ANGPT4: variants seen among roughly 807,000 people sequenced by gnomAD.
ANGPT4 encodes the protein angiopoietin-4.
ANGPT4 carries 50 observed loss-of-function variants against 53.0 expected under a neutral mutation model. The observed-to-expected ratio is 0.94, with a 90% CI of 0.75 to 1.20. The LOEUF is 1.20. Ranked by LOEUF, ANGPT4 falls within the 50% of genes most tolerant of loss-of-function variation. The pLI, the probability that ANGPT4 is intolerant of heterozygous loss-of-function variation, is 0.00. For missense variants in ANGPT4, 648 were observed against 637.1 expected, an observed-to-expected ratio of 1.02 and a Z score of -0.18; for synonymous variants, 251 against 259.7, an observed-to-expected ratio of 0.97 and a Z score of 0.32.
At chr20:899,640 G>A (rs1982208715) in intron 1 of ANGPT4, among the ~76,000 whole-genome samples, 1 of 152,110 alleles carries the variant, frequency 6.6e-6, no homozygotes, top group Admixed American at 6.5e-5. Context: ...ACCCGGACAA[G>A]TCTTACAGGC....
intron 1 of ANGPT4, among the ~76,000 whole-genome samples, chr20:891,211 C>T (rs1347647795): frequency 6.6e-6 from 1 of 152,216 alleles, no homozygotes; most frequent in Non-Finnish European, 1.5e-5. Context: ...GGTGAGTCAG[C>T]CAGCAGGGAG....
In ANGPT4 at chr20:908,624, C is replaced by T. The variant is rs1332626815; in HGVS notation, c.309+7282G>A. ...CAAGGGGGAAGGATGGTCTTCCTTGCTCACTACTAAATCCTTGTCACTTGC... is the reference window on the plus strand; with the variant it reads ...CAAGGGGGAAGGATGGTCTTCCTTGTTCACTACTAAATCCTTGTCACTTGC... On this transcript the variant is annotated intron_variant, in intron 1 of 8. Coordinates refer to ENST00000381922, the MANE Select transcript of ANGPT4 (RefSeq NM_015985.4). This position sits in a 1 kb window ranked among gnomAD's most constrained non-coding sequence, Gnocchi z 4.9. 6.6e-6 allele frequency among the ~76,000 whole-genome samples: 1 copy of T among 152,246 alleles called. No homozygotes were observed. Among genetic ancestry groups the T allele is most frequent in the Non-Finnish European group, 1.5e-5 (1 of 68,050 alleles).
intron 1 of ANGPT4, among the ~76,000 whole-genome samples, chr20:910,599 G>T (rs966279837): frequency 6.6e-6 from 1 of 152,260 alleles, no homozygotes; most frequent in East Asian, 1.9e-4. Context: ...GCAGGCTTAG[G>T]GGGCAGACCT....
At chr20:912,065 G>T (rs1339978207) in intron 1 of ANGPT4, among the ~76,000 whole-genome samples, 1 of 152,090 alleles carries the variant, frequency 6.6e-6, no homozygotes, top group Non-Finnish European at 1.5e-5. Context: ...CCCTCAGGTG[G>T]TGGGGGTGGG....
intron 1 of ANGPT4, among the ~76,000 whole-genome samples, chr20:915,126 T>C (rs1982872995): frequency 6.6e-6 from 1 of 151,970 alleles, no homozygotes; most frequent in South Asian, 2.1e-4. Context: ...CCTCCTACAG[T>C]CTATGCTGTT....
chr20:915,856 C>A (rs1420403082), intron 1 of ANGPT4, 50 bp downstream of exon 1: 2 of 1,519,816 alleles, frequency 1.3e-6, no homozygotes, highest in South Asian at 2.6e-5. Flanking sequence ...CTGATTGTGA[C>A]AGACCCCAAA....
rs757653891 is a variant in ANGPT4, at chr20:874,433, T to A, written c.1221-19A>T. On this transcript the variant is annotated intron_variant, in intron 7 of 8. Transcript: ENST00000381922. The stretch of plus-strand genomic sequence containing the variant: ...AGAAAGCCTGGAGGCCACCCAGAGG[T>A]GGTGGTGGCAGAAGGGCCCAGAGTC... 5.5e-5 allele frequency: 89 copies of A among 1,611,974 alleles called. No individual in the cohort carries two copies. Among genetic ancestry groups the A allele is most frequent in the Non-Finnish European group, 7.3e-5 (86 of 1,179,722 alleles).
chr20:885,891 TAA>T (rs1981602399), intron 3 of ANGPT4, among the ~76,000 whole-genome samples: 1 of 152,024 alleles, frequency 6.6e-6, no homozygotes, highest in South Asian at 2.1e-4. Context: ...TTAATGTAAA[TAA>T]AGAGAAATGG....
chr20:907,825 A>G (rs1982535246), intron 1 of ANGPT4, among the ~76,000 whole-genome samples: 1 of 152,146 alleles, frequency 6.6e-6, no homozygotes, highest in Admixed American at 6.5e-5. Flanking sequence ...TTCTAGACAC[A>G]GGGAGGCTTT....
At chr20:878,448 G>T in intron 6 of ANGPT4, 121 bp from the exon 7 acceptor site, 1 of 966,912 alleles carries the variant, frequency 1.0e-6, no homozygotes. Context: ...CTTAATGATC[G>T]AGTTCATAAG....
chr20:875,352 T>C (rs997358010), intron 7 of ANGPT4, among the ~76,000 whole-genome samples: 1 of 152,162 alleles, frequency 6.6e-6, no homozygotes. Flanking sequence ...CCAGCCCCCA[T>C]GGATCTGGGC....
At chr20:885,412 C>A (rs138750068) in intron 3 of ANGPT4, 87 bp from the exon 4 acceptor site, 45,015 of 1,431,374 alleles carry the variant, frequency 0.031, 798 homozygotes, top group Middle Eastern at 0.046. Context: ...GGAGTCCCTG[C>A]AGCCCGACGA....
At chr20:901,598 C>T (rs1028851500) in intron 1 of ANGPT4, among the ~76,000 whole-genome samples, 10 of 152,326 alleles carry the variant, frequency 6.6e-5, no homozygotes, top group Admixed American at 2.6e-4. Flanking sequence ...ACGCACGTGA[C>T]ACTATGTAGC....
At chr20:891,867 T>C (rs142395370) in intron 1 of ANGPT4, among the ~76,000 whole-genome samples, 2,022 of 152,294 alleles carry the variant, frequency 0.013, 15 homozygotes, top group Non-Finnish European at 0.019. Context: ...GTGTGGTTCT[T>C]CCGTCAGCAT....
chr20:899,577 C>T (rs550349616), intron 1 of ANGPT4, among the ~76,000 whole-genome samples: 1 of 152,064 alleles, frequency 6.6e-6, no homozygotes, highest in African/African-American at 2.4e-5. Flanking sequence ...TTTATGCACT[C>T]TTTTTTAATT....
chr20:879,041 C>T (rs1307189155), intron 6 of ANGPT4, among the ~76,000 whole-genome samples: 1 of 152,206 alleles, frequency 6.6e-6, no homozygotes, highest in Non-Finnish European at 1.5e-5. Context: ...ATTTCTGCAC[C>T]TGGACACCCT....
At position 890,264 on chromosome 20, in the gene ANGPT4, G is replaced by T; in HGVS notation, c.414C>A (p.Leu138=). ...TAPMLELGTS[L]LNQTTAQIRK... ...GGATCTGGGCAGTGGTCTGGTTCAGGAGGCTGGTGCCCAGCTCTAGCATGG... is the reference window on the plus strand; with the variant it reads ...GGATCTGGGCAGTGGTCTGGTTCAGTAGGCTGGTGCCCAGCTCTAGCATGG... Residue 138 remains leucine (L), a synonymous_variant, in exon 2 of 9, where the codon CTC becomes CTA. Transcript: ENST00000381922. The T allele has an allele frequency of 6.2e-7, 1 of 1,614,026 alleles. No homozygotes were observed. Among genetic ancestry groups the T allele is most frequent in the Non-Finnish European group, 8.5e-7 (1 of 1,179,992 alleles).
intron 1 of ANGPT4, among the ~76,000 whole-genome samples, chr20:891,647 ATG>A (rs1981851959): frequency 6.6e-6 from 1 of 152,162 alleles, no homozygotes; most frequent in Non-Finnish European, 1.5e-5. Context: ...CCTTGGGAAG[ATG>A]GGTGCTCCCC....
intron 1 of ANGPT4, among the ~76,000 whole-genome samples, chr20:897,745 C>A (rs1218380694): frequency 6.6e-6 from 1 of 152,220 alleles, no homozygotes; most frequent in Admixed American, 6.5e-5. Context: ...CTAGCTTTCT[C>A]TTTAAACTTA....
Sources: gnomAD v4.1 joint callset for allele counts (sites outside exome capture counted in the v4.1 genomes callset) on GRCh38, gnomAD v4.1.1 for gene constraint, Gnocchi (gnomAD v3.1) non-coding constraint, MANE v1.5 for transcripts, NCBI Gene and HGNC (gene_info 2026-07-23, HGNC 2026-07-21) for gene names.